Variants in TESMIN observed in about 807,000 individuals in gnomAD.
TESMIN encodes CXC domain containing 2.
In TESMIN, 34 loss-of-function variants were observed where a neutral mutation model predicts 47.4. The observed-to-expected ratio is 0.72, with a 90% CI of 0.55 to 0.96. TESMIN has a LOEUF of 0.96. Among genes scored for constraint, TESMIN ranks in the 40% least tolerant of loss-of-function variants. TESMIN has a pLI of 0.00. For synonymous variants in TESMIN, 278 were observed against 258.9 expected (o/e 1.07, Z -0.71); for missense variants, 610 against 637.2 (o/e 0.96, Z 0.46).
At chr11:68,741,117 C>T (rs1158307993) in intron 5 of TESMIN, among the ~76,000 whole-genome samples, 1 of 152,158 alleles carries the variant, frequency 6.6e-6, no homozygotes, top group African/African-American at 2.4e-5. Context: ...TCTGAGCGAT[C>T]ATCTCTCCCC....
intron 1 of TESMIN, among the ~76,000 whole-genome samples, 172 bp from the exon 2 acceptor site, chr11:68,750,871 G>T: frequency 8.6e-6 from 1 of 115,746 alleles, no homozygotes; most frequent in Non-Finnish European, 1.9e-5. Context: ...CCAGGTGAGG[G>T]GCCCGGGGAA....
intron 9 of TESMIN, among the ~76,000 whole-genome samples, chr11:68,709,965 G>A (rs1322498096): frequency 6.6e-6 from 1 of 152,164 alleles, no homozygotes; most frequent in Non-Finnish European, 1.5e-5. Context: ...TCAGGAGTTC[G>A]AGACCAATAT....
intron 9 of TESMIN, among the ~76,000 whole-genome samples, chr11:68,709,266 A>C (rs1166746525): frequency 6.6e-6 from 1 of 152,218 alleles, no homozygotes; most frequent in East Asian, 1.9e-4. Flanking sequence ...GAAATTGCAG[A>C]AGCAGGACTC....
chr11:68,734,277 G>A (rs530516904), intron 6 of TESMIN, among the ~76,000 whole-genome samples: 2 of 152,244 alleles, frequency 1.3e-5, no homozygotes, highest in African/African-American at 2.4e-5. Flanking sequence ...TGCATTTGGC[G>A]ATTAGCTCAG....
chr11:68,749,368 C>T (rs184649678), intron 2 of TESMIN, among the ~76,000 whole-genome samples: 3 of 152,370 alleles, frequency 2.0e-5, no homozygotes, highest in Admixed American at 1.3e-4. Context: ...AGGCTCCAGC[C>T]ATCTCAATAC....
chr11:68,706,973 G>C (rs1566309006), downstream of TESMIN, among the ~76,000 whole-genome samples: 1 of 152,202 alleles, frequency 6.6e-6, no homozygotes. Context: ...TCCCCCAGCA[G>C]TGCGCCTCCC....
chr11:68,724,333 G>A (rs554107195), intron 6 of TESMIN, among the ~76,000 whole-genome samples: 8 of 152,236 alleles, frequency 5.3e-5, no homozygotes, highest in South Asian at 4.1e-4. Context: ...TTATAATTCC[G>A]ATAATTATAA....
chr11:68,741,347 A>G (rs1946453535), intron 5 of TESMIN, among the ~76,000 whole-genome samples: 1 of 152,154 alleles, frequency 6.6e-6, no homozygotes, highest in African/African-American at 2.4e-5. Context: ...TGCTTCACAG[A>G]GCTCATTCCC....
intron 8 of TESMIN, among the ~76,000 whole-genome samples, 199 bp from the exon 9 acceptor site, chr11:68,711,248 G>A (rs966134900): frequency 6.6e-6 from 1 of 150,992 alleles, no homozygotes; most frequent in Non-Finnish European, 1.5e-5. Context: ...TGTGTGTGGG[G>A]TGTGTGTGTG....
At position 68,713,315 on chromosome 11, in the gene TESMIN, G is replaced by A. The variant is rs1456027700; in HGVS notation, c.1113C>T (p.Asn371=). The change falls in exon 8 of 10, where the codon AAC becomes AAT. Residue 371 remains asparagine (N), a synonymous_variant. Coordinates refer to ENST00000255087, the MANE Select transcript of TESMIN (RefSeq NM_004923.3). ...NVKPQHNKGC[N]CRRSGCLKNY... is the part of the protein sequence containing the mutation. ...TCTTCAGGCAGCCTGACCTCCTGCA[G>A]TTGCACCCTTTGTTGTGCTGGGGCT... The A allele has an allele frequency of 1.2e-6, 2 of 1,614,072 alleles. No homozygotes were observed. The highest frequency in any genetic ancestry group is 1.7e-6 in the Non-Finnish European group (2 of 1,180,036).
chr11:68,738,874 C>CT (rs1346465817), intron 5 of TESMIN, 86 bp from the exon 6 acceptor site: 4 of 1,155,796 alleles, frequency 3.5e-6, no homozygotes, highest in Middle Eastern at 1.9e-4. Context: ...AAAAATGATT[C>CT]TTTTTTTCCC....
intron 7 of TESMIN, among the ~76,000 whole-genome samples, chr11:68,714,725 C>T (rs1594285872): frequency 6.6e-6 from 1 of 152,304 alleles, no homozygotes; most frequent in South Asian, 2.1e-4. Context: ...TGAACATTCC[C>T]GTACAAATCT....
At chr11:68,717,757 T>A (rs11228331) in intron 6 of TESMIN, among the ~76,000 whole-genome samples, 2 of 151,446 alleles carry the variant, frequency 1.3e-5, no homozygotes, top group Non-Finnish European at 3.0e-5. Context: ...CAGGAAGGCA[T>A]GAGTCCCCAG....
At chr11:68,738,893 T>G (rs1319892214) in intron 5 of TESMIN, 105 bp from the exon 6 acceptor site, 11 of 913,782 alleles carry the variant, frequency 1.2e-5, no homozygotes, top group Non-Finnish European at 1.9e-5. Flanking sequence ...CCTAAAGGTT[T>G]ACATCACCAT....
chr11:68,746,175 AC>A (rs1946517984), intron 3 of TESMIN, among the ~76,000 whole-genome samples: 1 of 147,534 alleles, frequency 6.8e-6, no homozygotes, highest in African/African-American at 2.6e-5. Flanking sequence ...ATAGCTACAC[AC>A]ACACACACAC....
rs551914232 is a variant in TESMIN at position 68,710,873 on chromosome 11, C to T, written c.1334+1G>A. ...AGCAGAGGTTAGTTCAAAGTACCTA[C>T]CTATCGTGACTGAATCTTGGAAGTC... is the stretch of plus-strand genomic sequence containing the variant. On this transcript the variant is annotated splice_donor_variant, in intron 9 of 9. Coordinates refer to ENST00000255087, the MANE Select transcript of TESMIN (RefSeq NM_004923.3). LOFTEE classifies it high-confidence loss of function. 1 of 1,610,470 alleles carries T rather than the reference C, an allele frequency of 6.2e-7. No individual in the cohort carries two copies. Among genetic ancestry groups the T allele is most frequent in the East Asian group, 2.2e-5 (1 of 44,852 alleles).
At chr11:68,724,150 C>A (rs1030731448) in intron 6 of TESMIN, among the ~76,000 whole-genome samples, 1 of 152,040 alleles carries the variant, frequency 6.6e-6, no homozygotes, top group African/African-American at 2.4e-5. Flanking sequence ...TCCTAAAGAG[C>A]GAAATCTTAC....
Position 68,711,049 on chromosome 11 carries a change from C to T in TESMIN, c.1159G>A (p.Ala387Thr), listed in dbSNP as rs1566311052. 1 of 1,597,432 alleles carries T rather than the reference C, an allele frequency of 6.3e-7. No homozygotes were observed. The highest frequency in any genetic ancestry group is 2.2e-5 in the East Asian group (1 of 44,666). ...CLKNYCECYE[A>T]QIMCSSICKC... is the part of the protein sequence containing the mutation. The stretch of plus-strand genomic sequence containing the variant: ...CAAATAGAAGAACACATAATTTGGG[C>T]CTGGTAATATAAAATGCTTCAATAA... The change falls in exon 9 of 10, where the codon GCC (alanine) becomes ACC (threonine). Residue 387 changes from alanine (A) to threonine (T), a missense_variant and splice_region_variant. By Grantham distance (58) the Ala-to-Thr change is moderately conservative. Coordinates refer to ENST00000255087, the MANE Select transcript of TESMIN (RefSeq NM_004923.3).
At chr11:68,713,131 G>A in intron 8 of TESMIN, 139 bp downstream of exon 8, 1 of 834,386 alleles carries the variant, frequency 1.2e-6, no homozygotes, top group Non-Finnish European at 1.7e-6. Flanking sequence ...ATTGATGTAA[G>A]TGTCCTTCTA....
Sources: gnomAD v4.1 joint callset for allele counts (sites outside exome capture counted in the v4.1 genomes callset) on GRCh38, gnomAD v4.1.1 for gene constraint, MANE v1.5 for transcripts, NCBI Gene and HGNC (gene_info 2026-07-23, HGNC 2026-07-21) for gene names.